PAX3: variants seen among roughly 807,000 people sequenced by gnomAD.
PAX3 encodes paired box 3.
In PAX3, 14 loss-of-function variants were observed where a neutral mutation model predicts 51.6. The ratio of observed to expected loss-of-function variants is 0.27; its 90% CI spans 0.18 to 0.42. The LOEUF (loss-of-function observed/expected upper bound fraction) is 0.42, where lower values mean the gene tolerates loss of function less well. Ranked by LOEUF, PAX3 falls within the 10% of genes least tolerant of loss-of-function variation. The pLI, the probability that PAX3 is intolerant of heterozygous loss-of-function variation, is 1.00. For missense variants in PAX3, 540 were observed against 642.8 expected, an observed-to-expected ratio of 0.84 and a Z score of 1.73; for synonymous variants, 280 against 253.4, an observed-to-expected ratio of 1.11 and a Z score of -1.00.
intron 4 of PAX3, among the ~76,000 whole-genome samples, chr2:222,236,079 A>G (rs1385847737): frequency 6.6e-6 from 1 of 152,240 alleles, no homozygotes; most frequent in South Asian, 2.1e-4. Flanking sequence ...TAAACCCCAA[A>G]GGGATGTGGG....
intron 1 of PAX3, among the ~76,000 whole-genome samples, chr2:222,297,744 CT>C (rs1695382319): frequency 6.6e-6 from 1 of 152,240 alleles, no homozygotes; most frequent in Non-Finnish European, 1.5e-5. Flanking sequence ...CCTGTGTCAC[CT>C]GTTACATCTT....
intron 7 of PAX3, among the ~76,000 whole-genome samples, chr2:222,207,084 C>T (rs1194043909): frequency 6.6e-6 from 1 of 152,018 alleles, no homozygotes; most frequent in Non-Finnish European, 1.5e-5. Flanking sequence ...AATCTACTGA[C>T]TATATTTTTT....
chr2:222,274,688 C>T (rs1296031361), intron 4 of PAX3, among the ~76,000 whole-genome samples: 3 of 151,970 alleles, frequency 2.0e-5, no homozygotes, highest in Non-Finnish European at 4.4e-5. Flanking sequence ...AACTCTTCTT[C>T]GAACCTCAAC....
intron 5 of PAX3, among the ~76,000 whole-genome samples, chr2:222,229,570 C>T (rs956488534): frequency 1.3e-5 from 2 of 152,092 alleles, no homozygotes; most frequent in African/African-American, 4.8e-5. Context: ...ATTCCCACTG[C>T]CACTACCTAT....
At chr2:222,287,774 G>C (rs1310949584) in intron 4 of PAX3, among the ~76,000 whole-genome samples, 2 of 152,024 alleles carry the variant, frequency 1.3e-5, no homozygotes, top group African/African-American at 4.8e-5. Flanking sequence ...ATTAATAGGA[G>C]GATTATAATA....
chr2:222,271,530 C>T (rs965061334), intron 4 of PAX3, among the ~76,000 whole-genome samples: 2 of 152,180 alleles, frequency 1.3e-5, no homozygotes, highest in African/African-American at 4.8e-5. Flanking sequence ...AGTATTTTTA[C>T]ACTCACTATT....
intron 5 of PAX3, among the ~76,000 whole-genome samples, chr2:222,225,149 A>G (rs146944824): frequency 6.6e-6 from 1 of 152,328 alleles, no homozygotes; most frequent in African/African-American, 2.4e-5. Flanking sequence ...TTAATTGTCT[A>G]TCATTGCATG....
At chr2:222,203,894 C>G (rs969215382) in intron 7 of PAX3, among the ~76,000 whole-genome samples, 2 of 152,148 alleles carry the variant, frequency 1.3e-5, no homozygotes, top group Non-Finnish European at 2.9e-5. Context: ...ACGGATGTCC[C>G]TGCCTTCCCC....
intron 4 of PAX3, chr2:222,293,595 C>T: frequency 3.7e-6 from 6 of 1,600,906 alleles, no homozygotes; most frequent in Non-Finnish European, 5.1e-6. Context: ...AGGTTAAACC[C>T]CCTCACATTT....
At chr2:222,221,444 A>G in intron 5 of PAX3, 57 bp from the exon 6 acceptor site, 1 of 1,499,340 alleles carries the variant, frequency 6.7e-7, no homozygotes, top group Non-Finnish European at 9.3e-7. Context: ...GTACATTCTT[A>G]ATGAATTTTT....
chr2:222,283,345 G>A (rs974749716), intron 4 of PAX3, among the ~76,000 whole-genome samples: 27 of 152,136 alleles, frequency 1.8e-4, no homozygotes, highest in African/African-American at 6.5e-4. Context: ...TAAAAAGAGA[G>A]AGAAATGTAA....
At chr2:222,229,039 CAAAA>C (rs1262020604) in intron 5 of PAX3, among the ~76,000 whole-genome samples, 1 of 151,958 alleles carries the variant, frequency 6.6e-6, no homozygotes, top group Non-Finnish European at 1.5e-5. Flanking sequence ...AGTGGCCACT[CAAAA>C]GAGGCATGAT....
intron 7 of PAX3, among the ~76,000 whole-genome samples, chr2:222,211,082 G>T (rs1460631889): frequency 6.6e-6 from 1 of 152,036 alleles, no homozygotes; most frequent in Non-Finnish European, 1.5e-5. Flanking sequence ...GCCTAGGTTG[G>T]TCTCAAACTC....
At chr2:222,259,056 T>G (rs1463280366) in intron 4 of PAX3, among the ~76,000 whole-genome samples, 1 of 152,152 alleles carries the variant, frequency 6.6e-6, no homozygotes, top group African/African-American at 2.4e-5. Flanking sequence ...AGACTTTTTT[T>G]TTCAAAAAAA....
intron 4 of PAX3, among the ~76,000 whole-genome samples, chr2:222,260,582 T>TG (rs1693818987): frequency 1.8e-5 from 1 of 54,704 alleles, no homozygotes; most frequent in Non-Finnish European, 3.8e-5. Flanking sequence ...TTTTTTGTTT[T>TG]TTTTTTTTGT....
intron 1 of PAX3, among the ~76,000 whole-genome samples, chr2:222,297,867 G>C (rs1048018639): frequency 2.6e-5 from 4 of 152,180 alleles, no homozygotes; most frequent in Admixed American, 2.6e-4. Flanking sequence ...GGTGGCGGGG[G>C]CGATGAGCAT....
chr2:222,242,131 T>G (rs1317857662), intron 4 of PAX3, among the ~76,000 whole-genome samples: 1 of 152,202 alleles, frequency 6.6e-6, no homozygotes, highest in Non-Finnish European at 1.5e-5. Context: ...TGTAAAAGAC[T>G]AGTTTTATGA....
At chr2:222,212,662 G>A (rs1353616808) in intron 7 of PAX3, among the ~76,000 whole-genome samples, 1 of 149,626 alleles carries the variant, frequency 6.7e-6, no homozygotes, top group Non-Finnish European at 1.5e-5. Flanking sequence ...CACACGAATA[G>A]TATACAACTA....
intron 7 of PAX3, among the ~76,000 whole-genome samples, chr2:222,217,220 A>G (rs1574641638): frequency 6.6e-6 from 1 of 152,194 alleles, no homozygotes; most frequent in African/African-American, 2.4e-5. Context: ...TTTATCTACA[A>G]TGAACATCCA....
Sources: allele counts gnomAD v4.1 joint callset (sites outside exome capture counted in the v4.1 genomes callset), GRCh38; gene constraint gnomAD v4.1.1; transcripts MANE v1.5; gene names NCBI Gene and HGNC (gene_info 2026-07-23, HGNC 2026-07-21).